COLEC10: variants seen among roughly 807,000 people sequenced by gnomAD.
The protein encoded by COLEC10 is collectin-10.
COLEC10 carries 22 observed loss-of-function variants against 28.4 expected under a neutral mutation model. The observed-to-expected ratio is 0.78, with a 90% CI of 0.55 to 1.11. The LOEUF (loss-of-function observed/expected upper bound fraction) is 1.11. COLEC10 is among the 50% of genes least tolerant of loss of function. The probability of loss-of-function intolerance (pLI) is 0.00; values close to 1 mark genes in which losing one functional copy is unlikely to be tolerated. For missense variants in COLEC10, 361 were observed against 344.1 expected (o/e 1.05, Z -0.39); for synonymous variants, 125 against 116.1 (o/e 1.08, Z -0.49).
At chr8:119,105,665 C>T (rs1458360092) in intron 5 of COLEC10, 135 bp from the exon 6 acceptor site, 1 of 792,042 alleles carries the variant, frequency 1.3e-6, no homozygotes, top group Non-Finnish European at 1.9e-6. Context: ...AAATCTGTGA[C>T]TACCTCATAA....
intron 2 of COLEC10, among the ~76,000 whole-genome samples, chr8:119,054,044 G>A (rs561289883): frequency 6.6e-5 from 10 of 152,124 alleles, no homozygotes; most frequent in South Asian, 2.1e-4. Context: ...TACAATAAGC[G>A]TTACTTGGAC....
the COLEC10 span, among the ~76,000 whole-genome samples, chr8:118,958,437 TTTGC>T: frequency 2.0e-5 from 3 of 152,324 alleles, no homozygotes; most frequent in East Asian, 5.8e-4. Flanking sequence ...TTAACAGGGT[TTTGC>T]ACAGTGGCAC....
chr8:119,037,273 G>A (rs985265801), intron 2 of COLEC10, among the ~76,000 whole-genome samples: 4 of 152,118 alleles, frequency 2.6e-5, no homozygotes, highest in Non-Finnish European at 4.4e-5. Flanking sequence ...TGATATGAAG[G>A]ACCATGTCTA....
the COLEC10 span, among the ~76,000 whole-genome samples, chr8:118,988,382 G>C: frequency 6.6e-6 from 1 of 152,256 alleles, no homozygotes; most frequent in East Asian, 1.9e-4. Flanking sequence ...CTTTAGCAGA[G>C]AGCAATTCTG....
chr8:119,107,468 T>G lies in COLEC10; in HGVS notation c.*1277T>G, dbSNP rs941973113. On this transcript the variant is annotated 3_prime_UTR_variant, in exon 6 of 6. Coordinates refer to ENST00000332843, the MANE Select transcript of COLEC10 (RefSeq NM_006438.5). Reference sequence around the variant, plus strand: ...CTATAAACTTCTACTCCAGTTATGGTTTCTGACATATGATTAGACTGTTTC... The same window carrying G: ...CTATAAACTTCTACTCCAGTTATGGGTTCTGACATATGATTAGACTGTTTC... Among the ~76,000 whole-genome samples the G allele has an allele frequency of 6.6e-6, 1 of 152,230 alleles. No individual in the cohort carries two copies. Among genetic ancestry groups the G allele is most frequent in the Admixed American group, 6.5e-5 (1 of 15,278 alleles).
intron 2 of COLEC10, among the ~76,000 whole-genome samples, chr8:119,039,112 T>C (rs1367938899): frequency 1.3e-5 from 2 of 152,140 alleles, no homozygotes; most frequent in African/African-American, 4.8e-5. Flanking sequence ...ATGTTCTCTC[T>C]TAAGCCTTCA....
At chr8:119,067,648 C>G in intron 1 of COLEC10, 1 of 488,962 alleles carries the variant, frequency 2.0e-6, no homozygotes. Context: ...AGGGGAAACC[C>G]AGGACGGAGA....
the COLEC10 span, among the ~76,000 whole-genome samples, chr8:118,984,053 T>C: frequency 6.7e-6 from 1 of 149,202 alleles, no homozygotes; most frequent in South Asian, 2.1e-4. Context: ...GCAACACTAT[T>C]CACAATAGCA....
intron 1 of COLEC10, among the ~76,000 whole-genome samples, chr8:119,072,172 G>A (rs1815137210): frequency 6.6e-6 from 1 of 152,080 alleles, no homozygotes; most frequent in Non-Finnish European, 1.5e-5. Flanking sequence ...CATGTGGTCT[G>A]TGATCAAACC....
intron 2 of COLEC10, among the ~76,000 whole-genome samples, chr8:119,056,611 A>G (rs116832149): frequency 0.016 from 2,429 of 151,986 alleles, 74 homozygotes; most frequent in African/African-American, 0.055. Flanking sequence ...ATCTGTGTCC[A>G]TATTCCTTAT....
At chr8:119,069,629 A>AAAAATATATATAT (rs1554627284) in intron 1 of COLEC10, among the ~76,000 whole-genome samples, 1 of 42,874 alleles carries the variant, frequency 2.3e-5, no homozygotes, top group African/African-American at 7.5e-5. Context: ...AAAAAAAAAA[A>AAAAATATATATAT]ATATATATAT....
At chr8:119,019,061 T>C (rs1302020718) in intron 2 of COLEC10, among the ~76,000 whole-genome samples, 3 of 152,192 alleles carry the variant, frequency 2.0e-5, no homozygotes, top group Non-Finnish European at 4.4e-5. Flanking sequence ...GTTACCCGCA[T>C]CCAACAACTC....
intron 1 of COLEC10, among the ~76,000 whole-genome samples, chr8:118,999,725 T>C (rs1447475034): frequency 7.2e-5 from 11 of 152,182 alleles, no homozygotes; most frequent in Admixed American, 7.2e-4. Context: ...GTCAGATTTG[T>C]TGAATCCTAC....
At chr8:119,042,190 G>T (rs1050082721) in intron 2 of COLEC10, among the ~76,000 whole-genome samples, 4 of 150,998 alleles carry the variant, frequency 2.6e-5, no homozygotes, top group Admixed American at 6.6e-5. Context: ...TAGAGACGGG[G>T]TTTCACCATG....
At chr8:119,068,200 G>A (rs1486525989) in intron 1 of COLEC10, 1 of 152,168 alleles carries the variant, frequency 6.6e-6, no homozygotes, top group Admixed American at 6.5e-5. Context: ...TAGGGTAGAA[G>A]AATTGCAGCT....
At chr8:118,983,122 G>A in the COLEC10 span, among the ~76,000 whole-genome samples, 1 of 152,284 alleles carries the variant, frequency 6.6e-6, no homozygotes, top group African/African-American at 2.4e-5. Context: ...TCTGAACTTA[G>A]CAGTATTTTG....
Position 118,998,744 on chromosome 8 carries a change from G to A in COLEC10, n.122+3171G>A, listed in dbSNP as rs1441187663. ...CACCTGTAGTCCCATCTATTTGAGAGGCTGAGGCAGGAGAAGAGCGTGAAC... is the reference window on the plus strand; with the variant it reads ...CACCTGTAGTCCCATCTATTTGAGAAGCTGAGGCAGGAGAAGAGCGTGAAC... On this transcript the variant is annotated intron_variant and non_coding_transcript_variant, in intron 1 of 6. Transcript: ENST00000521788. 2.7e-5 allele frequency among the ~76,000 whole-genome samples: 4 copies of A among 150,556 alleles called. No individual in the cohort carries two copies. In the East Asian group the frequency reaches 5.9e-4, roughly 22 times the overall value.
chr8:118,984,187 C>G, the COLEC10 span, among the ~76,000 whole-genome samples: 11 of 151,868 alleles, frequency 7.2e-5, no homozygotes, highest in Non-Finnish European at 1.0e-4. Context: ...TTTGCAGCAA[C>G]ATGGATGGAG....
chr8:119,000,764 A>G (rs1813681413), intron 1 of COLEC10, among the ~76,000 whole-genome samples: 1 of 152,212 alleles, frequency 6.6e-6, no homozygotes, highest in Non-Finnish European at 1.5e-5. Context: ...AACAAGTTTC[A>G]TATACGTAAA....
Sources: gnomAD v4.1 joint callset for allele counts (sites outside exome capture counted in the v4.1 genomes callset) on GRCh38, gnomAD v4.1.1 for gene constraint, MANE v1.5 for transcripts, NCBI Gene and HGNC (gene_info 2026-07-23, HGNC 2026-07-21) for gene names.